The following CCL28 variants were observed in gnomAD, a reference collection of about 807,000 sequenced individuals.
CCL28 encodes C-C motif chemokine 28.
In CCL28, 4 loss-of-function variants were observed where a neutral mutation model predicts 7.1. That is an observed-to-expected ratio of 0.56 (90% confidence interval 0.28 to 1.29). The LOEUF (loss-of-function observed/expected upper bound fraction) is 1.29, where lower values mean the gene tolerates loss of function less well. Ranked by LOEUF, CCL28 falls within the 50% of genes most tolerant of loss-of-function variation. The pLI, the probability that CCL28 is intolerant of heterozygous loss-of-function variation, is 0.11. For synonymous variants in CCL28, 55 were observed against 57.8 expected, an observed-to-expected ratio of 0.95 and a Z score of 0.22; for missense variants, 151 against 163.4, an observed-to-expected ratio of 0.92 and a Z score of 0.41.
Position 43,401,894 on chromosome 5 carries a change from G to T in CCL28, c.64+10359C>A, listed in dbSNP as rs370110060. 2.4e-4 allele frequency among the ~76,000 whole-genome samples: 37 copies of T among 152,322 alleles called. 1 individual carries two copies. The highest frequency in any genetic ancestry group is 8.9e-4 in the African/African-American group (37 of 41,586). ...CTTTATCTACAGAAGATATTGAAGGGACATTGCAGGAAGAGGGGGTTTTCC... is the reference window on the plus strand; with the variant it reads ...CTTTATCTACAGAAGATATTGAAGGTACATTGCAGGAAGAGGGGGTTTTCC... On this transcript the variant is annotated intron_variant, in intron 1 of 2. Coordinates refer to ENST00000361115, the MANE Select transcript of CCL28 (RefSeq NM_148672.3).
At chr5:43,405,668 GACAA>G (rs1741245127) in intron 1 of CCL28, among the ~76,000 whole-genome samples, 1 of 152,162 alleles carries the variant, frequency 6.6e-6, no homozygotes, top group South Asian at 2.1e-4. Context: ...GGAGGAGATA[GACAA>G]ACAAAAAACC....
chr5:43,361,557 C>G, the CCL28 span, among the ~76,000 whole-genome samples: 3 of 152,252 alleles, frequency 2.0e-5, no homozygotes, highest in East Asian at 3.9e-4. Context: ...ATCATCAAAT[C>G]TTTGCCAGGT....
Position 43,389,075 on chromosome 5 carries a change from A to G in CCL28, c.65-599T>C, listed in dbSNP as rs78079060. On this transcript the variant is annotated intron_variant, in intron 1 of 2. Coordinates refer to ENST00000361115, the MANE Select transcript of CCL28 (RefSeq NM_148672.3). ...AAAGATCCAGAATGGGCAAATCCAT[A>G]AAGACAGAAAGTAGATTAGTGGTTG... Among the ~76,000 whole-genome samples the G allele has an allele frequency of 9.1e-3, 1,389 of 152,344 alleles. 26 individuals are homozygous for G. Among genetic ancestry groups the G allele is most frequent in the African/African-American group, 0.032 (1,329 of 41,576 alleles).
At chr5:43,398,241 G>A (rs910676852) in intron 1 of CCL28, among the ~76,000 whole-genome samples, 3 of 151,448 alleles carry the variant, frequency 2.0e-5, no homozygotes, top group African/African-American at 7.3e-5. Flanking sequence ...CCTTAGATAA[G>A]ATCTTGCTCT....
At chr5:43,398,365 C>T (rs556918939) in intron 1 of CCL28, among the ~76,000 whole-genome samples, 1 of 152,112 alleles carries the variant, frequency 6.6e-6, no homozygotes, top group African/African-American at 2.4e-5. Context: ...CTGGGACCAC[C>T]GGTGCACACC....
At chr5:43,374,307 A>T (rs979803691), downstream of CCL28, among the ~76,000 whole-genome samples, 1 of 152,220 alleles carries the variant, frequency 6.6e-6, no homozygotes, top group African/African-American at 2.4e-5. Flanking sequence ...ATCTGTCAGG[A>T]ATAGTGAGGA....
intron 1 of CCL28, among the ~76,000 whole-genome samples, chr5:43,392,301 G>A (rs375230326): frequency 6.6e-6 from 1 of 152,072 alleles, no homozygotes; most frequent in Non-Finnish European, 1.5e-5. Context: ...ATTTTTAGTA[G>A]AGACGGGGTT....
intron 1 of CCL28, among the ~76,000 whole-genome samples, chr5:43,410,836 T>C (rs1426272205): frequency 6.6e-6 from 1 of 152,202 alleles, no homozygotes; most frequent in Admixed American, 6.5e-5. Context: ...CAAATCTCAA[T>C]GGTGAATTTT....
At chr5:43,365,944 T>C in the CCL28 span, among the ~76,000 whole-genome samples, 1 of 152,240 alleles carries the variant, frequency 6.6e-6, no homozygotes, top group Non-Finnish European at 1.5e-5. Context: ...TTCCTTCCAC[T>C]TGATTGATTT....
At chr5:43,372,025 G>A (rs564182858), downstream of CCL28, among the ~76,000 whole-genome samples, 6 of 152,266 alleles carry the variant, frequency 3.9e-5, no homozygotes, top group East Asian at 1.2e-3. Context: ...TGGGGGAGGT[G>A]CCAGGCTCTT....
chr5:43,411,509 T>TCTTCCTTTCCTTC (rs1741534934), intron 1 of CCL28, among the ~76,000 whole-genome samples: 1 of 151,374 alleles, frequency 6.6e-6, no homozygotes, highest in Non-Finnish European at 1.5e-5. Context: ...TCCTTTCCTT[T>TCTTCCTTTCCTTC]CTTCCTTTCC....
chr5:43,379,692 G>C lies in CCL28; in HGVS notation c.*2168C>G, dbSNP rs1740026005. The C allele has an allele frequency of 6.6e-6, 1 of 152,334 alleles. No homozygotes were observed. The highest frequency in any genetic ancestry group is 6.5e-5 in the Admixed American group (1 of 15,284). The allele number at this position is 152,334 out of a possible 1,614,324, so 9.4% of individuals were successfully genotyped here. A position where few individuals can be genotyped will look rare whatever the true frequency, so the allele number is the denominator to read the frequency against. On this transcript the variant is annotated 3_prime_UTR_variant, in exon 3 of 3. Coordinates refer to ENST00000361115, the MANE Select transcript of CCL28 (RefSeq NM_148672.3). ...GGGACTAGCCAGCAGGGAGGCCCAGGACACCTGCCACCTGATAAAGTGGCT... is the reference window on the plus strand; with the variant it reads ...GGGACTAGCCAGCAGGGAGGCCCAGCACACCTGCCACCTGATAAAGTGGCT...
At chr5:43,368,712 T>A in the CCL28 span, among the ~76,000 whole-genome samples, 1 of 152,128 alleles carries the variant, frequency 6.6e-6, no homozygotes, top group African/African-American at 2.4e-5. Flanking sequence ...TAAAGGGGAA[T>A]TTTGGACACA....
chr5:43,404,922 ATAACGG>A (rs1397115518), intron 1 of CCL28, among the ~76,000 whole-genome samples: 1 of 152,232 alleles, frequency 6.6e-6, no homozygotes, highest in African/African-American at 2.4e-5. Flanking sequence ...AGGCCATTAC[ATAACGG>A]TAAAGGTATC....
chr5:43,388,561 C>A, intron 1 of CCL28, 85 bp from the exon 2 acceptor site: 1 of 1,361,280 alleles, frequency 7.3e-7, no homozygotes, highest in African/African-American at 1.4e-5. Flanking sequence ...TTCAGAGAAA[C>A]AATGTTAATC....
the CCL28 span, among the ~76,000 whole-genome samples, chr5:43,367,222 C>T: frequency 6.6e-6 from 1 of 152,274 alleles, no homozygotes; most frequent in Admixed American, 6.5e-5. Context: ...GCCTCAGCCC[C>T]CTTTCCAGGG....
rs574342106 is a variant in CCL28 at position 43,379,746 on chromosome 5, C to T, written c.*2114G>A. The T allele has an allele frequency of 2.6e-5, 4 of 152,280 alleles. No individual in the cohort carries two copies. The South Asian group carries it at 8.3e-4, about 32-fold the overall frequency. 9.4% of individuals were successfully genotyped at this position (152,280 alleles called of 1,614,324 possible). On this transcript the variant is annotated 3_prime_UTR_variant, in exon 3 of 3. Coordinates refer to ENST00000361115, the MANE Select transcript of CCL28 (RefSeq NM_148672.3). The stretch of plus-strand genomic sequence containing the variant: ...GCTCTCTATTGGCTTCTTATGAACA[C>T]TACTGGGCTCTTACCTATCTATCTT...
At chr5:43,385,872 A>T (rs1579726087) in intron 2 of CCL28, among the ~76,000 whole-genome samples, 2 of 152,202 alleles carry the variant, frequency 1.3e-5, no homozygotes, top group East Asian at 3.8e-4. Context: ...ACAGCAAAAC[A>T]TCATTTCTGT....
chr5:43,395,443 G>T (rs1434830799), intron 1 of CCL28, among the ~76,000 whole-genome samples: 1 of 152,088 alleles, frequency 6.6e-6, no homozygotes, highest in East Asian at 1.9e-4. Flanking sequence ...TTGGGAGACT[G>T]AGGTGGGAGG....
Sources: gnomAD v4.1 joint callset for allele counts (sites outside exome capture counted in the v4.1 genomes callset) on GRCh38, gnomAD v4.1.1 for gene constraint, MANE v1.5 for transcripts, NCBI Gene and HGNC (gene_info 2026-07-23, HGNC 2026-07-21) for gene names.